CTNNA3: variants seen among roughly 807,000 people sequenced by gnomAD.
CTNNA3 encodes the protein catenin alpha 3, also known as catenin alpha-3.
A neutral mutation model predicts 95.7 loss-of-function variants in CTNNA3; 76 were observed. The ratio of observed to expected loss-of-function variants is 0.79; its 90% CI spans 0.66 to 0.96. CTNNA3 has a LOEUF of 0.96. Among genes scored for constraint, CTNNA3 ranks in the 40% least tolerant of loss-of-function variants. The pLI, the probability that CTNNA3 is intolerant of heterozygous loss-of-function variation, is 0.00. For missense variants in CTNNA3, 1,191 were observed against 1,089.8 expected, an observed-to-expected ratio of 1.09 and a Z score of -1.31; for synonymous variants, 431 against 374.4, an observed-to-expected ratio of 1.15 and a Z score of -1.74.
intron 11 of CTNNA3, among the ~76,000 whole-genome samples, chr10:66,396,237 A>G (rs1394291746): frequency 6.6e-6 from 1 of 152,028 alleles, no homozygotes; most frequent in Non-Finnish European, 1.5e-5. Flanking sequence ...TAACTCTGAA[A>G]GCATATGCAG....
Position 66,407,875 on chromosome 10 carries a change from G to A in CTNNA3, c.1532-28523C>T, listed in dbSNP as rs116091519. ...ATTACAGGCGTGAGAAACCACACCC[G>A]GCCAACTTTTACATATTTTTAAATG... On this transcript the variant is annotated intron_variant, in intron 11 of 17. Coordinates refer to ENST00000433211, the MANE Select transcript of CTNNA3 (RefSeq NM_013266.4). Among the ~76,000 whole-genome samples the A allele has an allele frequency of 4.2e-3, 635 of 152,194 alleles. 4 individuals are homozygous for A. The highest frequency in any genetic ancestry group is 0.015 in the African/African-American group (610 of 41,524).
chr10:65,970,098 C>G (rs1051356104), intron 16 of CTNNA3, among the ~76,000 whole-genome samples: 5 of 152,060 alleles, frequency 3.3e-5, no homozygotes, highest in African/African-American at 1.2e-4. Context: ...TATTTATAAG[C>G]CGAGACAGAT....
At chr10:66,817,096 A>T (rs1842117194) in intron 7 of CTNNA3, among the ~76,000 whole-genome samples, 1 of 152,052 alleles carries the variant, frequency 6.6e-6, no homozygotes, top group Non-Finnish European at 1.5e-5. Flanking sequence ...CAATAACAGA[A>T]GATTTTATCT....
chr10:67,696,995 A>T (rs908121233), upstream of CTNNA3, among the ~76,000 whole-genome samples: 1 of 152,208 alleles, frequency 6.6e-6, no homozygotes, highest in African/African-American at 2.4e-5. Flanking sequence ...TGTTCTTAAA[A>T]GGCTGAATTC....
At chr10:66,787,590 T>G (rs1057332672) in intron 7 of CTNNA3, among the ~76,000 whole-genome samples, 1 of 152,102 alleles carries the variant, frequency 6.6e-6, no homozygotes, top group Admixed American at 6.5e-5. Flanking sequence ...CCAAGACCTA[T>G]CCCCTTGTCT....
At chr10:66,768,584 T>G (rs4497281) in intron 8 of CTNNA3, among the ~76,000 whole-genome samples, 6,435 of 152,284 alleles carry the variant, frequency 0.042, 240 homozygotes, top group East Asian at 0.23. Context: ...ATGGACTTGT[T>G]AAATCTTCTC....
chr10:67,149,454 A>T (rs2394326), intron 7 of CTNNA3, among the ~76,000 whole-genome samples: 1 of 151,710 alleles, frequency 6.6e-6, no homozygotes, highest in East Asian at 1.9e-4. Context: ...GCGTGGTGAC[A>T]GGCGCCTGTA....
chr10:66,832,445 C>T (rs1842753672), intron 7 of CTNNA3, among the ~76,000 whole-genome samples: 1 of 152,022 alleles, frequency 6.6e-6, no homozygotes, highest in Non-Finnish European at 1.5e-5. Context: ...TCTTAAGGCA[C>T]ACCAGTTAAG....
intron 10 of CTNNA3, among the ~76,000 whole-genome samples, chr10:66,604,363 C>G (rs1844040089): frequency 6.6e-6 from 1 of 152,170 alleles, no homozygotes; most frequent in African/African-American, 2.4e-5. Context: ...TCCCCTGACT[C>G]ATGCTGCCTC....
Position 65,920,077 on chromosome 10 carries a change from C to A in CTNNA3, c.*253G>T, listed in dbSNP as rs2077058552. ...TAGATAATCTCTATGATGGGAAACG[C>A]TGAATGACACGTGATAATTTCATTC... is the stretch of plus-strand genomic sequence containing the variant. On this transcript the variant is annotated 3_prime_UTR_variant, in exon 18 of 18. Coordinates refer to ENST00000433211, the MANE Select transcript of CTNNA3 (RefSeq NM_013266.4). 1 of 497,568 alleles carries A rather than the reference C, an allele frequency of 2.0e-6. No homozygotes were observed. Among genetic ancestry groups the A allele is most frequent in the African/African-American group, 1.9e-5 (1 of 51,822 alleles). The allele number at this position is 497,568 out of a possible 1,614,324, so 30.8% of individuals were successfully genotyped here. A position where few individuals can be genotyped will look rare whatever the true frequency, so the allele number is the denominator to read the frequency against.
At chr10:66,096,004 A>G (rs1040229551) in intron 14 of CTNNA3, among the ~76,000 whole-genome samples, 19 of 152,164 alleles carry the variant, frequency 1.2e-4, no homozygotes, top group Non-Finnish European at 1.5e-5. Context: ...ATCAGTATAT[A>G]TGACAAATAA....
chr10:65,950,961 A>C (rs1040066586), intron 17 of CTNNA3, among the ~76,000 whole-genome samples: 1 of 152,126 alleles, frequency 6.6e-6, no homozygotes, highest in Non-Finnish European at 1.5e-5. Flanking sequence ...AATTTCACAA[A>C]ACAGATCACT....
chr10:66,140,908 G>C (rs1374780669), intron 13 of CTNNA3, among the ~76,000 whole-genome samples: 4 of 152,126 alleles, frequency 2.6e-5, no homozygotes, highest in African/African-American at 9.7e-5. Flanking sequence ...TGGTTGTGAT[G>C]ATACTTGAGG....
intron 11 of CTNNA3, among the ~76,000 whole-genome samples, chr10:66,473,745 T>C (rs925697960): frequency 2.0e-5 from 3 of 152,054 alleles, no homozygotes; most frequent in Admixed American, 6.6e-5. Context: ...AATTCCCATC[T>C]ATGAGTGAGA....
intron 5 of CTNNA3, among the ~76,000 whole-genome samples, chr10:67,465,806 T>C (rs1460131924): frequency 6.6e-6 from 1 of 152,130 alleles, no homozygotes; most frequent in African/African-American, 2.4e-5. Context: ...CACAAAAAAT[T>C]AATAATAACC....
At chr10:67,745,257 C>T (rs1841367669) in intron 1 of CTNNA3, among the ~76,000 whole-genome samples, 1 of 152,032 alleles carries the variant, frequency 6.6e-6, no homozygotes, top group Non-Finnish European at 1.5e-5. Flanking sequence ...TTGGAACCAA[C>T]CTAAATATCC....
At chr10:66,466,339 T>TACACACACAC (rs143601111) in intron 11 of CTNNA3, among the ~76,000 whole-genome samples, 3,425 of 141,768 alleles carry the variant, frequency 0.024, 58 homozygotes, top group East Asian at 0.041. Flanking sequence ...CACCCACCTA[T>TACACACACAC]ACACACACAC....
chr10:66,607,598 G>C (rs1290233639), intron 10 of CTNNA3, among the ~76,000 whole-genome samples: 1 of 150,456 alleles, frequency 6.6e-6, no homozygotes, highest in East Asian at 2.0e-4. Flanking sequence ...ACATCAAAAA[G>C]CAAATGCATG....
chr10:67,327,184 A>G lies in CTNNA3; in HGVS notation c.580-107314T>C, dbSNP rs189320175. Among the ~76,000 whole-genome samples the G allele has an allele frequency of 6.7e-3, 1,021 of 152,272 alleles. 43 individuals carry two copies. The highest frequency in any genetic ancestry group is 1.2e-3 in the Non-Finnish European group (80 of 68,036). Reference sequence around the variant, plus strand: ...GGTTTCAAAATACTTCTGTAGCTCAATGATCTTTATTCCTATCCATATTCT... The same window carrying G: ...GGTTTCAAAATACTTCTGTAGCTCAGTGATCTTTATTCCTATCCATATTCT... On this transcript the variant is annotated intron_variant, in intron 5 of 17. Coordinates refer to ENST00000433211, the MANE Select transcript of CTNNA3 (RefSeq NM_013266.4).
Sources: gnomAD v4.1 joint callset for allele counts (sites outside exome capture counted in the v4.1 genomes callset) on GRCh38, gnomAD v4.1.1 for gene constraint, MANE v1.5 for transcripts, NCBI Gene and HGNC (gene_info 2026-07-23, HGNC 2026-07-21) for gene names.